The following KHNYN variants were observed in gnomAD, a reference collection of about 807,000 sequenced individuals.
KHNYN encodes the protein KH and NYN domain containing, also known as protein KHNYN.
A neutral mutation model predicts 62.7 loss-of-function variants in KHNYN; 42 were observed. The ratio of observed to expected loss-of-function variants is 0.67; its 90% CI spans 0.52 to 0.87. KHNYN has a LOEUF of 0.87. Ranked by LOEUF, KHNYN falls within the 40% of genes least tolerant of loss-of-function variation. KHNYN has a pLI of 0.00. For missense variants in KHNYN, 829 were observed against 874.1 expected, an observed-to-expected ratio of 0.95 and a Z score of 0.65; for synonymous variants, 347 against 345.6, an observed-to-expected ratio of 1.00 and a Z score of -0.04.
upstream of KHNYN, chr14:24,428,506 A>C: frequency 7.1e-7 from 1 of 1,401,186 alleles, no homozygotes; most frequent in Non-Finnish European, 9.8e-7. Context: ...GAATAGAAGG[A>C]GTGGCAAGTA....
chr14:24,436,192 T>C lies in KHNYN; in HGVS notation c.1685+13T>C. 1 of 1,601,178 alleles carries C rather than the reference T, an allele frequency of 6.2e-7. No homozygotes were observed. Among genetic ancestry groups the C allele is most frequent in the Non-Finnish European group, 8.6e-7 (1 of 1,168,318 alleles). ...TCATCAGAGAACGGTGAGGGAGCCC[T>C]CCCGCTGAGAACTGGGCACAGATGC... is the stretch of plus-strand genomic sequence containing the variant. On this transcript the variant is annotated intron_variant, in intron 6 of 7. Transcript: ENST00000553935.
rs141012159 is a variant in KHNYN, at chr14:24,440,628, G to C, written c.*3343G>C. 1.5e-5 allele frequency: 20 copies of C among 1,354,280 alleles called. No homozygotes were observed. Among genetic ancestry groups the C allele is most frequent in the Middle Eastern group, 3.7e-4 (2 of 5,430 alleles). 83.9% of individuals were successfully genotyped at this position (1,354,280 alleles called of 1,614,324 possible). A position where few individuals can be genotyped will look rare whatever the true frequency, so the allele number is the denominator to read the frequency against. On this transcript the variant is annotated 3_prime_UTR_variant, in exon 8 of 8. Coordinates refer to ENST00000553935, the MANE Select transcript of KHNYN (RefSeq NM_015299.3). ...TGTAACAGAAGTGAGCAGTATGGCT[G>C]TCTTTAAGACCTCACACCTTCTCAT...
chr14:24,426,501 T>A (rs1189908376), upstream of KHNYN: 1 of 152,246 alleles, frequency 6.6e-6, no homozygotes, highest in Non-Finnish European at 1.5e-5. Context: ...TTCACCTTGG[T>A]ATTTCCTATT....
chr14:24,433,178 A>AT (rs1001407779), intron 5 of KHNYN, 146 bp downstream of exon 5: 1 of 720,614 alleles, frequency 1.4e-6, no homozygotes, highest in African/African-American at 1.8e-5. Context: ...GTGCCTTATG[A>AT]TTGGGTAGGT....
upstream of KHNYN, chr14:24,428,968 G>A (rs994941384): frequency 1.2e-5 from 18 of 1,550,960 alleles, 1 homozygote; most frequent in South Asian, 1.1e-4. Context: ...GGGCCCACCC[G>A]GCCCCCAGGG....
chr14:24,428,114 G>T, upstream of KHNYN: 1 of 1,315,174 alleles, frequency 7.6e-7, no homozygotes, highest in Non-Finnish European at 1.1e-6. Flanking sequence ...GGGGCGGCCA[G>T]CATTGGACTC....
Position 24,439,805 on chromosome 14 carries a change from C to A in KHNYN, c.*2520C>A. On this transcript the variant is annotated 3_prime_UTR_variant, in exon 8 of 8. Coordinates refer to ENST00000553935, the MANE Select transcript of KHNYN (RefSeq NM_015299.3). ...TATTTTTATTGCCTAAACTGCAGAG[C>A]ATTCTCTACACAGCGTAAAGGAGAA... The A allele has an allele frequency of 3.0e-6, 1 of 333,766 alleles. No individual in the cohort carries two copies. The highest frequency in any genetic ancestry group is 5.0e-5 in the East Asian group (1 of 20,180). The allele number at this position is 333,766 out of a possible 1,614,324, so 20.7% of individuals were successfully genotyped here.
In KHNYN at chr14:24,441,743, G is replaced by A. The variant is rs1256999113; in HGVS notation, c.*4458G>A. The A allele has an allele frequency of 1.2e-6, 2 of 1,602,428 alleles. No individual in the cohort carries two copies. Among genetic ancestry groups the A allele is most frequent in the Non-Finnish European group, 8.5e-7 (1 of 1,176,580 alleles). On this transcript the variant is annotated 3_prime_UTR_variant, in exon 8 of 8. Coordinates refer to ENST00000553935, the MANE Select transcript of KHNYN (RefSeq NM_015299.3). ...TTGGTGATGGCTTTAGCCAGCAATTGGGTGGTCTCTAGGCGGCTGCCGATT... is the reference window on the plus strand; with the variant it reads ...TTGGTGATGGCTTTAGCCAGCAATTAGGTGGTCTCTAGGCGGCTGCCGATT...
chr14:24,425,805 A>G (rs185712991), upstream of KHNYN, among the ~76,000 whole-genome samples: 21 of 152,320 alleles, frequency 1.4e-4, no homozygotes, highest in East Asian at 2.9e-3. Context: ...TGACTAATCC[A>G]TTGTCTTATA....
Position 24,431,605 on chromosome 14 carries a change from C to T in KHNYN, c.344C>T (p.Ala115Val), listed in dbSNP as rs763813295. The change falls in exon 3 of 8, where the codon GCG (alanine) becomes GTG (valine). Residue 115 changes from alanine to valine, a missense_variant. By Grantham distance (64) the Ala-to-Val change is moderately conservative. This residue lies in a region of KHNYN where 559 missense variants were observed against 527.0 expected (regional missense o/e 1.06). Coordinates refer to ENST00000553935, the MANE Select transcript of KHNYN (RefSeq NM_015299.3). ...ACGTCAGCCCATCTGGTGCCCAGGG[C>T]GCCAGGCTCACTGATGATCAGTGGC... ...WSTSAHLVPR[A>V]PGSLMISGLT... 1.1e-5 allele frequency: 18 copies of T among 1,613,466 alleles called. No homozygotes were observed. Among genetic ancestry groups the T allele is most frequent in the Non-Finnish European group, 1.5e-5 (18 of 1,179,558 alleles).
chr14:24,429,154 GC>G, upstream of KHNYN: 1 of 1,261,964 alleles, frequency 7.9e-7, no homozygotes, highest in Middle Eastern at 2.8e-4. Flanking sequence ...CTGATCGTCT[GC>G]CCTCTCTAGG....
Position 24,430,004 on chromosome 14 carries a change from G to A in KHNYN, c.-133G>A, listed in dbSNP as rs2043074025. The A allele has an allele frequency of 5.1e-6, 5 of 985,996 alleles. No homozygotes were observed. In the South Asian group the frequency reaches 2.3e-4, roughly 46 times the overall value. The allele number at this position is 985,996 out of a possible 1,614,324, so 61.1% of individuals were successfully genotyped here. A position where few individuals can be genotyped will look rare whatever the true frequency, so the allele number is the denominator to read the frequency against. ...AGGTCCCCGCTGGGTGAGGAACCCG[G>A]GAAGGCCCGCCCAGATTCGGGCCCC... is the stretch of plus-strand genomic sequence containing the variant. On this transcript the variant is annotated 5_prime_UTR_variant, in exon 1 of 8. Coordinates refer to ENST00000553935, the MANE Select transcript of KHNYN (RefSeq NM_015299.3).
intron 5 of KHNYN, chr14:24,435,731 G>A (rs2043194885): frequency 3.1e-6 from 1 of 320,104 alleles, no homozygotes; most frequent in Non-Finnish European, 5.8e-6. Context: ...AGACCACCTT[G>A]GATTCATCTT....
rs990896959 is a variant in KHNYN at position 24,438,288 on chromosome 14, C to T, written c.*1003C>T. On this transcript the variant is annotated 3_prime_UTR_variant, in exon 8 of 8. Coordinates refer to ENST00000553935, the MANE Select transcript of KHNYN (RefSeq NM_015299.3). The stretch of plus-strand genomic sequence containing the variant: ...GCACTTCCTGGTGTTGAGATGAACA[C>T]GTCGATTTTTCACCAATCGATGAAG... 12 of 147,608 alleles carry T rather than the reference C, an allele frequency of 8.1e-5. No individual in the cohort carries two copies. Among genetic ancestry groups the T allele is most frequent in the Non-Finnish European group, 4.4e-5 (3 of 67,922 alleles). The allele number at this position is 147,608 out of a possible 1,614,324, so 9.1% of individuals were successfully genotyped here.
At chr14:24,429,759 C>G (rs1338607486), upstream of KHNYN, 6 of 985,310 alleles carry the variant, frequency 6.1e-6, no homozygotes, top group Non-Finnish European at 7.2e-6. Context: ...GCAGAATGCG[C>G]GAGGACCCTG....
chr14:24,432,491 G>C lies in KHNYN; in HGVS notation c.1230G>C (p.Val410=), dbSNP rs1286349389. 7.4e-6 allele frequency: 12 copies of C among 1,613,698 alleles called. No homozygotes were observed. The highest frequency in any genetic ancestry group is 1.0e-5 in the Non-Finnish European group (12 of 1,180,004). Residue 410 remains valine, a synonymous_variant, in exon 3 of 8, where the codon GTG becomes GTC. Coordinates refer to ENST00000553935, the MANE Select transcript of KHNYN (RefSeq NM_015299.3). This position sits in a 1 kb window ranked among gnomAD's most constrained non-coding sequence, Gnocchi z 5.6. ...WKRGARGGNL[V]TGTQRFKEAL... ...GAGGCGCCCGAGGGGGCAACTTGGTGACTGGCACACAGCGTTTCAAGGAGG... is the reference window on the plus strand; with the variant it reads ...GAGGCGCCCGAGGGGGCAACTTGGTCACTGGCACACAGCGTTTCAAGGAGG...
chr14:24,433,059 C>A (rs751900042), intron 5 of KHNYN, 27 bp downstream of exon 5: 1 of 1,589,174 alleles, frequency 6.3e-7, no homozygotes, highest in East Asian at 2.2e-5. Context: ...TGGCCCCAGG[C>A]TTGATATTGA....
At chr14:24,428,433 G>A (rs767641726), upstream of KHNYN, 11 of 1,612,632 alleles carry the variant, frequency 6.8e-6, no homozygotes, top group Non-Finnish European at 8.5e-6. Context: ...TGCTGAGTGG[G>A]GCTCAGGAAA....
At chr14:24,428,344 C>G (rs1268234052), upstream of KHNYN, 6 of 1,613,812 alleles carry the variant, frequency 3.7e-6, no homozygotes, top group African/African-American at 1.3e-5. Context: ...GTAGACACCC[C>G]GGACAGGGGC....
Sources: gnomAD v4.1 joint callset for allele counts (sites outside exome capture counted in the v4.1 genomes callset) on GRCh38, gnomAD v4.1.1 for gene constraint, gnomAD v4.1.1 regional missense constraint, Gnocchi (gnomAD v3.1) non-coding constraint, MANE v1.5 for transcripts, NCBI Gene and HGNC (gene_info 2026-07-23, HGNC 2026-07-21) for gene names.